The following CCSER2 variants were observed in gnomAD, a reference collection of about 807,000 sequenced individuals.
CCSER2 encodes serine-rich coiled-coil domain-containing protein 2.
In CCSER2, 46 loss-of-function variants were observed where a neutral mutation model predicts 92.3. The observed-to-expected ratio is 0.50, with a 90% CI of 0.39 to 0.64. The LOEUF (loss-of-function observed/expected upper bound fraction) is 0.64. Ranked by LOEUF, CCSER2 falls within the 30% of genes least tolerant of loss-of-function variation. CCSER2 has a pLI of 0.00. For synonymous variants in CCSER2, 433 were observed against 431.4 expected (o/e 1.00, Z -0.04); for missense variants, 1,244 against 1,238.9 (o/e 1.00, Z -0.06).
chr10:84,439,358 A>G (rs1844386587), intron 6 of CCSER2, among the ~76,000 whole-genome samples: 1 of 152,176 alleles, frequency 6.6e-6, no homozygotes, highest in Non-Finnish European at 1.5e-5. Flanking sequence ...TCAAGGAATA[A>G]AATACTAATT....
intron 3 of CCSER2, among the ~76,000 whole-genome samples, chr10:84,400,882 C>A (rs1407726434): frequency 2.6e-5 from 4 of 151,778 alleles, no homozygotes; most frequent in Non-Finnish European, 5.9e-5. Context: ...CCACTGCACT[C>A]CACTTGGGCA....
intron 2 of CCSER2, 139 bp downstream of exon 2, chr10:84,372,608 T>A (rs1308388316): frequency 1.7e-6 from 1 of 585,160 alleles, no homozygotes; most frequent in Non-Finnish European, 2.9e-6. Context: ...TGAGGTGGGT[T>A]AACGTTTATT....
chr10:84,353,324 G>C (rs1024694557), intron 1 of CCSER2, among the ~76,000 whole-genome samples: 3 of 152,078 alleles, frequency 2.0e-5, no homozygotes, highest in Admixed American at 2.0e-4. Flanking sequence ...ATAGCAGCCC[G>C]AGCCAGCCCC....
At chr10:84,477,723 T>A in intron 9 of CCSER2, 59 bp downstream of exon 9, 1 of 934,000 alleles carries the variant, frequency 1.1e-6, no homozygotes, top group South Asian at 1.5e-5. Context: ...ATGTTTTATT[T>A]CACTCTTTTT....
chr10:84,517,041 G>A lies in CCSER2; in HGVS notation c.*2774G>A, dbSNP rs971797289. ...GATCATCTTAGATTTGGCTTGATCT[G>A]TGTTTATTGCTTCTATTAATGTAAA... On this transcript the variant is annotated 3_prime_UTR_variant, in exon 10 of 10. Coordinates refer to ENST00000372088, the MANE Select transcript of CCSER2 (RefSeq NM_001284240.2). 1 of 152,116 alleles carries A rather than the reference G, an allele frequency of 6.6e-6. No individual in the cohort carries two copies. Among genetic ancestry groups the A allele is most frequent in the African/African-American group, 2.4e-5 (1 of 41,414 alleles). 9.4% of individuals were successfully genotyped at this position (152,116 alleles called of 1,614,324 possible). A position where few individuals can be genotyped will look rare whatever the true frequency, so the allele number is the denominator to read the frequency against.
At chr10:84,404,088 A>G (rs1842255168) in intron 3 of CCSER2, among the ~76,000 whole-genome samples, 1 of 152,204 alleles carries the variant, frequency 6.6e-6, no homozygotes, top group African/African-American at 2.4e-5. Context: ...TTTAAATTTA[A>G]CATTCATTAC....
intron 1 of CCSER2, among the ~76,000 whole-genome samples, chr10:84,333,065 C>G (rs531712253): frequency 2.0e-5 from 3 of 152,150 alleles, no homozygotes; most frequent in African/African-American, 7.2e-5. Context: ...AACTTTAATA[C>G]AAATGTGTAC....
intron 3 of CCSER2, among the ~76,000 whole-genome samples, chr10:84,378,714 C>T (rs1230715113): frequency 6.6e-6 from 1 of 152,176 alleles, no homozygotes; most frequent in East Asian, 1.9e-4. Flanking sequence ...GGATTACAGG[C>T]ATGTGCCACC....
At chr10:84,416,213 C>G (rs2133383883) in intron 3 of CCSER2, among the ~76,000 whole-genome samples, 1 of 152,290 alleles carries the variant, frequency 6.6e-6, no homozygotes, top group South Asian at 2.1e-4. Context: ...CCACATTGCT[C>G]CCGGGTGGAC....
Position 84,438,571 on chromosome 10 carries a change from T to C in CCSER2, c.1928T>C (p.Phe643Ser). The C allele has an allele frequency of 1.9e-6, 3 of 1,613,840 alleles. No individual in the cohort carries two copies. Among genetic ancestry groups the C allele is most frequent in the East Asian group, 2.2e-5 (1 of 44,870 alleles). The stretch of plus-strand genomic sequence containing the variant: ...TTTGAAAGCTATGGAGGGATGCCCT[T>C]TTTCCAGGCTCAGAAGATGTTTGTT... The part of the protein sequence containing the change: ...GHFESYGGMP[F>S]FQAQKMFVDV... The change falls in exon 6 of 10, where the codon TTT (phenylalanine) becomes TCT (serine). Residue 643 changes from phenylalanine to serine, a missense_variant. Coordinates refer to ENST00000372088, the MANE Select transcript of CCSER2 (RefSeq NM_001284240.2).
intron 5 of CCSER2, among the ~76,000 whole-genome samples, chr10:84,435,843 C>G (rs1844083604): frequency 6.6e-6 from 1 of 152,062 alleles, no homozygotes; most frequent in African/African-American, 2.4e-5. Flanking sequence ...GTGCCAAGTC[C>G]TGCCTTAGGG....
At chr10:84,470,921 A>T (rs947618062) in intron 8 of CCSER2, among the ~76,000 whole-genome samples, 3 of 152,110 alleles carry the variant, frequency 2.0e-5, no homozygotes, top group African/African-American at 7.2e-5. Flanking sequence ...GATCCATCAG[A>T]GTCATGTTTG....
intron 3 of CCSER2, among the ~76,000 whole-genome samples, chr10:84,416,774 C>CA (rs1360460874): frequency 6.6e-6 from 1 of 151,764 alleles, no homozygotes; most frequent in East Asian, 1.9e-4. Context: ...CAAAAATACA[C>CA]AAAAAAATTA....
intron 9 of CCSER2, among the ~76,000 whole-genome samples, chr10:84,482,896 G>A (rs557227062): frequency 5.1e-4 from 78 of 152,222 alleles, no homozygotes; most frequent in Non-Finnish European, 1.0e-3. Context: ...GGCACAATTC[G>A]ATCTAATGCT....
intron 1 of CCSER2, among the ~76,000 whole-genome samples, chr10:84,348,209 G>A (rs1012009483): frequency 1.3e-5 from 2 of 152,362 alleles, no homozygotes; most frequent in South Asian, 2.1e-4. Context: ...CCAGCACCTC[G>A]GGAGGCCGAG....
intron 3 of CCSER2, among the ~76,000 whole-genome samples, chr10:84,393,172 T>C (rs1490487947): frequency 6.6e-6 from 1 of 152,184 alleles, no homozygotes; most frequent in Non-Finnish European, 1.5e-5. Context: ...AAATGTCTTT[T>C]TTAGGATCTG....
chr10:84,452,901 G>A (rs1408721793), intron 6 of CCSER2, among the ~76,000 whole-genome samples: 1 of 152,010 alleles, frequency 6.6e-6, no homozygotes, highest in Non-Finnish European at 1.5e-5. Flanking sequence ...GATTAATAGA[G>A]AGTACTAACC....
intron 5 of CCSER2, among the ~76,000 whole-genome samples, chr10:84,435,404 C>G (rs1239900272): frequency 6.6e-6 from 1 of 152,126 alleles, no homozygotes; most frequent in Non-Finnish European, 1.5e-5. Flanking sequence ...ATATTCCATA[C>G]CTGATTCTCA....
chr10:84,405,484 A>T (rs944188400), intron 3 of CCSER2, among the ~76,000 whole-genome samples: 1 of 152,234 alleles, frequency 6.6e-6, no homozygotes, highest in African/African-American at 2.4e-5. Context: ...AACCTTTGTT[A>T]TACCAAAGAT....
Sources: allele counts gnomAD v4.1 joint callset (sites outside exome capture counted in the v4.1 genomes callset), GRCh38; gene constraint gnomAD v4.1.1; transcripts MANE v1.5; gene names NCBI Gene and HGNC (gene_info 2026-07-23, HGNC 2026-07-21).